Variants in LIPA observed in about 807,000 individuals in gnomAD.
The protein encoded by LIPA is lipase A, lysosomal acid type, also known as lysosomal acid lipase/cholesteryl ester hydrolase.
LIPA carries 26 observed loss-of-function variants against 40.6 expected under a neutral mutation model. The observed-to-expected ratio is 0.64, with a 90% CI of 0.47 to 0.89. The LOEUF is 0.89. Among genes scored for constraint, LIPA ranks in the 40% least tolerant of loss-of-function variants. LIPA has a pLI of 0.00. For missense variants in LIPA, 455 were observed against 479.6 expected, an observed-to-expected ratio of 0.95 and a Z score of 0.48; for synonymous variants, 188 against 168.4, an observed-to-expected ratio of 1.12 and a Z score of -0.90.
intron 1 of LIPA, among the ~76,000 whole-genome samples, chr10:89,309,439 T>C (rs1843503607): frequency 6.6e-6 from 1 of 152,216 alleles, no homozygotes; most frequent in African/African-American, 2.4e-5. Flanking sequence ...TTTCATTGGA[T>C]CAAAATGGAC....
At position 89,321,840 on chromosome 10, in the gene LIPA, C is replaced by T. The variant is rs575018804; in HGVS notation, c.-2+20771G>A. ...AACCCAAATGTCCATCAATGATAGA[C>T]TGGATTAAGAAAATGTGGCACATAT... On this transcript the variant is annotated intron_variant, in intron 1 of 5. Transcript: ENST00000282673. Among the ~76,000 whole-genome samples, 17 of 152,190 alleles carry T rather than the reference C, an allele frequency of 1.1e-4. No individual in the cohort carries two copies. The East Asian group carries it at 3.1e-3, about 28-fold the overall frequency.
chr10:89,368,724 G>A (rs1055427916), intron 2 of LIPA, among the ~76,000 whole-genome samples: 1 of 152,144 alleles, frequency 6.6e-6, no homozygotes, highest in Non-Finnish European at 1.5e-5. Context: ...AACACATCAG[G>A]TAAGTTGTCC....
intron 2 of LIPA, among the ~76,000 whole-genome samples, chr10:89,411,475 G>A (rs1841468750): frequency 1.3e-5 from 2 of 152,194 alleles, no homozygotes; most frequent in African/African-American, 2.4e-5. Context: ...TGGACTGAAC[G>A]AGGTCTTACT....
intron 2 of LIPA, among the ~76,000 whole-genome samples, chr10:89,350,537 C>A (rs971680179): frequency 1.3e-5 from 2 of 152,064 alleles, no homozygotes; most frequent in Admixed American, 1.3e-4. Context: ...GAACTCCAGA[C>A]CTCGTGATCC....
At chr10:89,350,450 C>A (rs1054612837) in intron 2 of LIPA, among the ~76,000 whole-genome samples, 1 of 151,950 alleles carries the variant, frequency 6.6e-6, no homozygotes, top group African/African-American at 2.4e-5. Flanking sequence ...AGACTACAGG[C>A]GCATGCCACC....
intron 1 of LIPA, among the ~76,000 whole-genome samples, chr10:89,309,842 G>A (rs1413026541): frequency 6.6e-6 from 1 of 152,146 alleles, no homozygotes; most frequent in Non-Finnish European, 1.5e-5. Context: ...CATTAATTGG[G>A]CTTGACTTGT....
chr10:89,325,681 G>T (rs1184366039), intron 1 of LIPA, among the ~76,000 whole-genome samples: 3 of 152,078 alleles, frequency 2.0e-5, no homozygotes, highest in Admixed American at 1.3e-4. Context: ...ACAAAGAGGG[G>T]AACAACAGAC....
intron 1 of LIPA, among the ~76,000 whole-genome samples, chr10:89,329,309 A>G (rs1367535640): frequency 6.6e-6 from 1 of 152,212 alleles, no homozygotes; most frequent in African/African-American, 2.4e-5. Flanking sequence ...ATACCCTTTT[A>G]TATAGAATAA....
intron 1 of LIPA, chr10:89,339,717 T>G: frequency 1.2e-6 from 2 of 1,614,224 alleles, no homozygotes; most frequent in African/African-American, 1.3e-5. Context: ...AAGTCCCTGA[T>G]GCTGAAAAGC....
chr10:89,265,887 A>C (rs1188326036), intron 1 of LIPA, among the ~76,000 whole-genome samples: 1 of 152,250 alleles, frequency 6.6e-6, no homozygotes, highest in Admixed American at 6.5e-5. Flanking sequence ...CCAAAAATCC[A>C]AAATCCAAAA....
chr10:89,254,406 C>G (rs1183015602), upstream of LIPA, among the ~76,000 whole-genome samples: 2 of 152,220 alleles, frequency 1.3e-5, no homozygotes, highest in Non-Finnish European at 2.9e-5. Flanking sequence ...ACTTTAACCC[C>G]TTTTTGCCAT....
chr10:89,334,618 G>A (rs12244506), intron 1 of LIPA, among the ~76,000 whole-genome samples: 8,282 of 146,830 alleles, frequency 0.056, 650 homozygotes, highest in African/African-American at 0.18. Flanking sequence ...TCGGCTTCCC[G>A]AGTAGCTGGG....
intron 2 of LIPA, among the ~76,000 whole-genome samples, chr10:89,396,528 A>T (rs751941831): frequency 6.6e-6 from 1 of 152,166 alleles, no homozygotes; most frequent in Non-Finnish European, 1.5e-5. Flanking sequence ...CCATTCCCCC[A>T]AGAACCAATC....
intron 1 of LIPA, among the ~76,000 whole-genome samples, chr10:89,297,586 G>A (rs978364106): frequency 6.6e-6 from 1 of 152,194 alleles, no homozygotes; most frequent in African/African-American, 2.4e-5. Context: ...ATGGTGCAAT[G>A]TGCCAAAAAG....
At chr10:89,413,421 G>A (rs1012965923) in intron 1 of LIPA, among the ~76,000 whole-genome samples, 6 of 152,158 alleles carry the variant, frequency 3.9e-5, no homozygotes, top group African/African-American at 1.4e-4. Flanking sequence ...GATCAAGGTA[G>A]ACAATATTTC....
intron 2 of LIPA, chr10:89,383,469 G>A: frequency 6.2e-7 from 1 of 1,614,178 alleles, no homozygotes; most frequent in Non-Finnish European, 8.5e-7. Flanking sequence ...AATACAATGT[G>A]GGAATACACA....
chr10:89,354,887 T>A (rs1843981351), intron 2 of LIPA, among the ~76,000 whole-genome samples: 1 of 152,034 alleles, frequency 6.6e-6, no homozygotes, highest in Admixed American at 6.6e-5. Context: ...GTTTTCAAAG[T>A]GTGGAGGTGG....
At chr10:89,254,539 G>A (rs888793770), upstream of LIPA, among the ~76,000 whole-genome samples, 1 of 152,198 alleles carries the variant, frequency 6.6e-6, no homozygotes, top group Non-Finnish European at 1.5e-5. Flanking sequence ...GATGGGAGGG[G>A]CTGCCTCAAA....
rs1009673187 is a variant in LIPA at position 89,267,473 on chromosome 10, G to C, written c.-1-19824C>G. ...AAACCATCATTCTCAGTAAACTATC[G>C]CAAGAACAAAAAACCAAACACCGCA... On this transcript the variant is annotated intron_variant, in intron 1 of 5. Transcript: ENST00000282673. Among the ~76,000 whole-genome samples the C allele has an allele frequency of 6.0e-5, 9 of 150,086 alleles. No homozygotes were observed. In the South Asian group the frequency reaches 1.9e-3, roughly 31 times the overall value.
Sources: allele counts gnomAD v4.1 joint callset (sites outside exome capture counted in the v4.1 genomes callset), GRCh38; gene constraint gnomAD v4.1.1; transcripts MANE v1.5; gene names NCBI Gene and HGNC (gene_info 2026-07-23, HGNC 2026-07-21).